The following LCORL variants were observed in gnomAD, a reference collection of about 807,000 sequenced individuals.
LCORL encodes the protein ligand dependent nuclear receptor corepressor like.
LCORL carries 41 observed loss-of-function variants against 141.8 expected under a neutral mutation model. The ratio of observed to expected loss-of-function variants is 0.29; its 90% CI spans 0.23 to 0.38. The LOEUF (loss-of-function observed/expected upper bound fraction) is 0.38, where lower values mean the gene tolerates loss of function less well. Ranked by LOEUF, LCORL falls within the 10% of genes least tolerant of loss-of-function variation. The pLI, the probability that LCORL is intolerant of heterozygous loss-of-function variation, is 1.00. For missense variants in LCORL, 1,759 were observed against 2,035.0 expected, an observed-to-expected ratio of 0.86 and a Z score of 2.61; for synonymous variants, 618 against 694.1, an observed-to-expected ratio of 0.89 and a Z score of 1.72.
intron 5 of LCORL, among the ~76,000 whole-genome samples, chr4:17,907,705 A>ACC (rs149868777): frequency 2.2e-4 from 33 of 151,122 alleles, no homozygotes; most frequent in African/African-American, 7.3e-4. Flanking sequence ...AACACAGGGA[A>ACC]CCCCCCCACC....
At chr4:17,864,673 AGT>A (rs1404445904) in intron 7 of LCORL, among the ~76,000 whole-genome samples, 1 of 152,242 alleles carries the variant, frequency 6.6e-6, no homozygotes, top group Non-Finnish European at 1.5e-5. Context: ...ATTAAATGTA[AGT>A]GGTCTACTGA....
chr4:17,937,878 G>C (rs1459600523), intron 4 of LCORL, among the ~76,000 whole-genome samples: 2 of 151,926 alleles, frequency 1.3e-5, no homozygotes, highest in Non-Finnish European at 2.9e-5. Context: ...GGAGTCATTT[G>C]ACCTGGGCTG....
intron 5 of LCORL, among the ~76,000 whole-genome samples, chr4:17,889,541 T>C (rs1361564477): frequency 2.0e-5 from 3 of 152,116 alleles, no homozygotes; most frequent in Non-Finnish European, 2.9e-5. Flanking sequence ...TAGTTATCTA[T>C]GGAAAATCTC....
chr4:17,971,102 A>G (rs1452673470), intron 2 of LCORL, among the ~76,000 whole-genome samples: 1 of 152,108 alleles, frequency 6.6e-6, no homozygotes. Context: ...GCTATTTAAA[A>G]GTTTCATAAT....
At chr4:17,932,067 G>T (rs956139921) in intron 4 of LCORL, among the ~76,000 whole-genome samples, 4 of 152,068 alleles carry the variant, frequency 2.6e-5, no homozygotes, top group African/African-American at 9.7e-5. Flanking sequence ...TCTACCCTGG[G>T]TAACATTAGA....
chr4:17,967,297 G>T (rs1047011829), intron 2 of LCORL, among the ~76,000 whole-genome samples: 3 of 152,100 alleles, frequency 2.0e-5, no homozygotes, highest in Non-Finnish European at 4.4e-5. Context: ...ACGGTTTTTG[G>T]CAGTGATATG....
intron 5 of LCORL, among the ~76,000 whole-genome samples, chr4:17,886,773 A>ATT (rs1560291361): frequency 2.0e-5 from 3 of 152,096 alleles, no homozygotes. Context: ...ACGATAATGC[A>ATT]ACTTTAGAAA....
intron 7 of LCORL, among the ~76,000 whole-genome samples, chr4:17,851,996 T>C (rs1723783475): frequency 6.6e-6 from 1 of 152,204 alleles, no homozygotes; most frequent in Non-Finnish European, 1.5e-5. Flanking sequence ...ATAATGTTTT[T>C]CTTGTGTTAT....
chr4:17,966,771 C>A (rs1483255057), intron 2 of LCORL, among the ~76,000 whole-genome samples: 1 of 152,098 alleles, frequency 6.6e-6, no homozygotes, highest in Non-Finnish European at 1.5e-5. Context: ...TGGTTAAAAT[C>A]CAAAACACTG....
intron 5 of LCORL, among the ~76,000 whole-genome samples, chr4:17,907,775 C>T (rs1731875797): frequency 6.6e-6 from 1 of 152,158 alleles, no homozygotes; most frequent in Admixed American, 6.5e-5. Flanking sequence ...TGTGGCCCAA[C>T]ACAACTCTTC....
rs189703859 is a variant in LCORL, at chr4:17,988,241, C to A, written c.155-15356G>T. Among the ~76,000 whole-genome samples the A allele has an allele frequency of 5.9e-5, 9 of 152,244 alleles. No homozygotes were observed. In the East Asian group the frequency reaches 1.7e-3, roughly 29 times the overall value. On this transcript the variant is annotated intron_variant, in intron 1 of 7. Coordinates refer to ENST00000635767, the Ensembl canonical transcript of LCORL. Reference sequence around the variant, plus strand: ...ACTGTAAGTCCAGTAAGCCTCTTTTCTTTTGTAAATTGCCCAGTCTCGGGT... The same window carrying A: ...ACTGTAAGTCCAGTAAGCCTCTTTTATTTTGTAAATTGCCCAGTCTCGGGT...
intron 1 of LCORL, among the ~76,000 whole-genome samples, chr4:18,005,854 C>A (rs564542172): frequency 6.6e-6 from 1 of 152,318 alleles, no homozygotes; most frequent in African/African-American, 2.4e-5. Flanking sequence ...GGCCTCTGGG[C>A]CTGTGATGGC....
chr4:17,874,654 T>C (rs1726726196), exon 7 of LCORL: 3 of 1,233,832 alleles, frequency 2.4e-6, no homozygotes, highest in Admixed American at 4.2e-5. Context: ...GCATTTGTTA[T>C]TTGCTCAAAT....
At chr4:17,889,922 C>A (rs1728843657) in intron 5 of LCORL, among the ~76,000 whole-genome samples, 1 of 151,896 alleles carries the variant, frequency 6.6e-6, no homozygotes, top group Admixed American at 6.6e-5. Flanking sequence ...CCTCTCCCAC[C>A]ATTTTGTAGT....
chr4:17,962,859 A>C, intron 3 of LCORL, 111 bp downstream of exon 3: 1 of 475,736 alleles, frequency 2.1e-6, no homozygotes, highest in East Asian at 3.4e-5. Flanking sequence ...AAAATCAAAT[A>C]CTTAAACTTC....
intron 6 of LCORL, among the ~76,000 whole-genome samples, chr4:17,880,153 G>A (rs76687660): frequency 1.3e-5 from 2 of 150,652 alleles, no homozygotes; most frequent in Non-Finnish European, 3.0e-5. Context: ...GCTTAAAAAA[G>A]GTATAAATTA....
At chr4:17,976,446 C>T (rs529729944) in intron 1 of LCORL, among the ~76,000 whole-genome samples, 58 of 152,104 alleles carry the variant, frequency 3.8e-4, no homozygotes, top group African/African-American at 1.4e-3. Flanking sequence ...AGGGCTTGTC[C>T]TAAGGTTTAC....
chr4:17,951,424 C>A (rs1577522204), intron 4 of LCORL, among the ~76,000 whole-genome samples: 1 of 152,166 alleles, frequency 6.6e-6, no homozygotes, highest in Non-Finnish European at 1.5e-5. Flanking sequence ...ATGGCAATCA[C>A]CTACCACATG....
At chr4:17,949,083 TAGCTAGCAGGTAG>T (rs1364446998) in intron 4 of LCORL, among the ~76,000 whole-genome samples, 1 of 152,096 alleles carries the variant, frequency 6.6e-6, no homozygotes, top group Non-Finnish European at 1.5e-5. Context: ...TTCCAGGATT[TAGCTAGCAGGTAG>T]AGAGTACCAT....
Sources: gnomAD v4.1 joint callset for allele counts (sites outside exome capture counted in the v4.1 genomes callset) on GRCh38, gnomAD v4.1.1 for gene constraint, MANE v1.5 for transcripts, NCBI Gene and HGNC (gene_info 2026-07-23, HGNC 2026-07-21) for gene names.